The following RASGRP3 variants were observed in gnomAD, a reference collection of about 807,000 sequenced individuals.
RASGRP3 encodes ras guanyl-releasing protein 3.
RASGRP3 carries 54 observed loss-of-function variants against 82.7 expected under a neutral mutation model. The ratio of observed to expected loss-of-function variants is 0.65; its 90% CI spans 0.52 to 0.82. The LOEUF (loss-of-function observed/expected upper bound fraction) is 0.82, where lower values mean the gene tolerates loss of function less well. Ranked by LOEUF, RASGRP3 falls within the 40% of genes least tolerant of loss-of-function variation. The pLI is 0.00. For missense variants in RASGRP3, 861 were observed against 828.9 expected (o/e 1.04, Z -0.48); for synonymous variants, 309 against 300.5 (o/e 1.03, Z -0.29).
chr2:33,551,466 G>C (rs1231003235), intron 14 of RASGRP3, among the ~76,000 whole-genome samples: 1 of 152,192 alleles, frequency 6.6e-6, no homozygotes, highest in Non-Finnish European at 1.5e-5. Flanking sequence ...AGGCTGCTGG[G>C]CCATGGTATG....
At chr2:33,509,856 A>G (rs2150998267) in intron 1 of RASGRP3, among the ~76,000 whole-genome samples, 1 of 152,354 alleles carries the variant, frequency 6.6e-6, no homozygotes, top group African/African-American at 2.4e-5. Context: ...TATTTATCAA[A>G]TAAATTAATT....
At chr2:33,559,087 G>A in intron 17 of RASGRP3, 57 bp downstream of exon 17, 1 of 1,424,698 alleles carries the variant, frequency 7.0e-7, no homozygotes. Context: ...AAAGTGCTGA[G>A]ATGAGCGTTA....
At chr2:33,444,544 A>G (rs1239616484) in intron 1 of RASGRP3, among the ~76,000 whole-genome samples, 3 of 152,224 alleles carry the variant, frequency 2.0e-5, no homozygotes, top group African/African-American at 7.2e-5. Flanking sequence ...TCTAAACAGA[A>G]GAGCTACGGT....
chr2:33,445,720 T>C (rs1665463472), intron 1 of RASGRP3, among the ~76,000 whole-genome samples: 1 of 151,812 alleles, frequency 6.6e-6, no homozygotes, highest in Admixed American at 6.6e-5. Flanking sequence ...CATATATTAA[T>C]ATGCTAATAA....
At chr2:33,540,142 CTT>C (rs2151070447) in intron 12 of RASGRP3, 1 of 152,424 alleles carries the variant, frequency 6.6e-6, no homozygotes, top group African/African-American at 2.4e-5. Context: ...AGAATTGAGT[CTT>C]TGGGATAGAA....
chr2:33,447,594 C>G (rs1268683836), intron 1 of RASGRP3, among the ~76,000 whole-genome samples: 2 of 152,096 alleles, frequency 1.3e-5, no homozygotes, highest in African/African-American at 4.8e-5. Context: ...CACCACCATG[C>G]CTGGCTAATT....
intron 2 of RASGRP3, among the ~76,000 whole-genome samples, chr2:33,469,553 G>A (rs1292744576): frequency 6.6e-6 from 1 of 150,734 alleles, no homozygotes; most frequent in Non-Finnish European, 1.5e-5. Context: ...TCCACCTCCT[G>A]GGCTCAAGTG....
intron 2 of RASGRP3, among the ~76,000 whole-genome samples, chr2:33,450,289 A>G (rs1452486064): frequency 1.3e-5 from 2 of 152,202 alleles, no homozygotes; most frequent in African/African-American, 2.4e-5. Flanking sequence ...CAAGTATACA[A>G]TACAATATTA....
rs1433649873 is a variant in RASGRP3 at position 33,539,149 on chromosome 2, T to G, written c.1217T>G (p.Leu406Ter). 1 of 1,612,164 alleles carries G rather than the reference T, an allele frequency of 6.2e-7. No individual in the cohort carries two copies. The highest frequency in any genetic ancestry group is 8.5e-7 in the Non-Finnish European group (1 of 1,179,298). The change falls in exon 12 of 18, where the codon TTA (leucine) becomes TGA (stop). Residue 406 changes from leucine (L) to a stop codon, truncating the protein, a stop_gained. Coordinates refer to ENST00000403687, the MANE Select transcript of RASGRP3 (RefSeq NM_001139488.2). LOFTEE classifies it high-confidence loss of function. ...NKPVVPLEWA[L>*]GVMPKPDPTV... Reference sequence around the variant, plus strand: ...CCTGTGGTACCCCTGGAGTGGGCATTAGGGGTGATGCCAAAGCCAGACCCC... The same window carrying G: ...CCTGTGGTACCCCTGGAGTGGGCATGAGGGGTGATGCCAAAGCCAGACCCC...
chr2:33,470,381 T>C (rs1574269668), intron 2 of RASGRP3, among the ~76,000 whole-genome samples: 1 of 4,652 alleles, frequency 2.1e-4, no homozygotes, highest in East Asian at 1.7e-3. Context: ...TAACTAAGAA[T>C]TTTTTTTTTT....
chr2:33,495,957 G>C (rs776445472), intron 1 of RASGRP3, among the ~76,000 whole-genome samples: 21 of 152,158 alleles, frequency 1.4e-4, no homozygotes, highest in Non-Finnish European at 2.6e-4. Flanking sequence ...GCCCTAAAAT[G>C]AGCAGAACCA....
At chr2:33,511,384 C>T (rs1670910305) in intron 1 of RASGRP3, among the ~76,000 whole-genome samples, 1 of 152,080 alleles carries the variant, frequency 6.6e-6, no homozygotes, top group Admixed American at 6.5e-5. Context: ...ATTTCAAAGT[C>T]AATGTTTGGA....
intron 1 of RASGRP3, chr2:33,483,017 A>T (rs533670694): frequency 6.7e-6 from 1 of 149,358 alleles, no homozygotes; most frequent in African/African-American, 2.5e-5. Context: ...TCAAGAGGAC[A>T]AAAGGGAACA....
chr2:33,467,042 C>T (rs13408995), intron 2 of RASGRP3, among the ~76,000 whole-genome samples: 42,963 of 149,910 alleles, frequency 0.29, 7,531 homozygotes, highest in Non-Finnish European at 0.37. Flanking sequence ...CAGGTGTTAG[C>T]TTATTATATA....
In RASGRP3 at chr2:33,537,320, A is replaced by ACCACCCCCCCCCCC. The variant is rs1266542679; in HGVS notation, c.1162-1772_1162-1771insACCCCCCCCCCCCC. 2.4e-4 allele frequency among the ~76,000 whole-genome samples: 8 copies of ACCACCCCCCCCCCC among 33,324 alleles called. 2 individuals carry two copies. The highest frequency in any genetic ancestry group is 1.2e-3 in the East Asian group (2 of 1,624). The allele number at this position is 33,324 out of a possible 152,430, so 21.9% of individuals were successfully genotyped here. A position where few individuals can be genotyped will look rare whatever the true frequency, so the allele number is the denominator to read the frequency against. On this transcript the variant is annotated intron_variant, in intron 11 of 17. Coordinates refer to ENST00000403687, the MANE Select transcript of RASGRP3 (RefSeq NM_001139488.2). ...GTCTCTAAAATACACACACACACAC[A>ACCACCCCCCCCCCC]CCGCCCCCCCCACACACACACACAA...
At chr2:33,457,631 A>G (rs531244827) in intron 2 of RASGRP3, among the ~76,000 whole-genome samples, 2 of 152,224 alleles carry the variant, frequency 1.3e-5, no homozygotes, top group East Asian at 1.9e-4. Context: ...CTGATGCGGA[A>G]TGCATTATTT....
At chr2:33,528,494 C>T (rs1672792385) in intron 10 of RASGRP3, among the ~76,000 whole-genome samples, 1 of 152,220 alleles carries the variant, frequency 6.6e-6, no homozygotes, top group Non-Finnish European at 1.5e-5. Flanking sequence ...AGTAGAGGTG[C>T]AACTTCCCTG....
chr2:33,476,706 TAGTA>T lies in RASGRP3; in HGVS notation c.-261+5_-261+8del, dbSNP rs977489148. The T allele has an allele frequency of 6.6e-6, 1 of 151,346 alleles. No individual in the cohort carries two copies. Among genetic ancestry groups the T allele is most frequent in the African/African-American group, 2.4e-5 (1 of 40,990 alleles). The allele number at this position is 151,346 out of a possible 1,614,324, so 9.4% of individuals were successfully genotyped here. ...GAAAAATACCACGACAAAACCACCC[TAGTA>T]AGTAACTGGAGAACTTTCCTCTCTC... On this transcript the variant is annotated splice_donor_variant and splice_donor_region_variant and 5_prime_UTR_variant and intron_variant, in exon 1 of 18. Transcript: ENST00000403687. LOFTEE classifies it low-confidence loss of function (5UTR_SPLICE).
rs1241707825 is a variant in RASGRP3 at position 33,564,477 on chromosome 2, T to A, written c.*1740T>A. On this transcript the variant is annotated 3_prime_UTR_variant, in exon 18 of 18. Transcript: ENST00000403687. ...ATCCATAAATGCAATAATATGCATG[T>A]TAACAACATTAAAAACAGCAAACAG... 1.3e-5 allele frequency: 2 copies of A among 152,208 alleles called. No homozygotes were observed. Among genetic ancestry groups the A allele is most frequent in the African/African-American group, 4.8e-5 (2 of 41,450 alleles). The allele number at this position is 152,208 out of a possible 1,614,324, so 9.4% of individuals were successfully genotyped here.
Sources: gnomAD v4.1 joint callset for allele counts (sites outside exome capture counted in the v4.1 genomes callset) on GRCh38, gnomAD v4.1.1 for gene constraint, MANE v1.5 for transcripts, NCBI Gene and HGNC (gene_info 2026-07-23, HGNC 2026-07-21) for gene names.